Variants in PCDH11X observed in about 807,000 individuals in gnomAD.
The protein encoded by PCDH11X is protocadherin 11 X-linked.
PCDH11X carries 18 observed loss-of-function variants against 53.3 expected under a neutral mutation model. The observed-to-expected ratio is 0.34, with a 90% CI of 0.23 to 0.50. The LOEUF (loss-of-function observed/expected upper bound fraction) is 0.50, where lower values mean the gene tolerates loss of function less well. Among genes scored for constraint, PCDH11X ranks in the 20% least tolerant of loss-of-function variants. PCDH11X has a pLI of 0.98. For synonymous variants in PCDH11X, 279 were observed against 393.3 expected, an observed-to-expected ratio of 0.71 and a Z score of 3.44; for missense variants, 570 against 1,032.4, an observed-to-expected ratio of 0.55 and a Z score of 6.14.
chrX:91,867,743 C>T (rs141668320), intron 5 of PCDH11X, among the ~76,000 whole-genome samples: 1,232 of 111,093 alleles, frequency 0.011, 17 homozygotes, highest in African/African-American at 0.038. Context: ...TCACTTATCC[C>T]GGATACATAT....
chrX:92,155,994 A>G (rs747973282), intron 6 of PCDH11X, among the ~76,000 whole-genome samples: 72 of 109,810 alleles, frequency 6.6e-4, no homozygotes, highest in African/African-American at 2.2e-3. Flanking sequence ...TCAAGTCTCA[A>G]CAAAGCAGCC....
intron 6 of PCDH11X, among the ~76,000 whole-genome samples, chrX:92,052,778 C>A (rs752804085): frequency 1.0e-5 from 1 of 99,185 alleles, no homozygotes; most frequent in South Asian, 5.1e-4. Context: ...AATTTTTATT[C>A]TCTGAAAATA....
chrX:92,222,884 G>A (rs773427693), intron 7 of PCDH11X, among the ~76,000 whole-genome samples: 92 of 112,042 alleles, frequency 8.2e-4, no homozygotes, highest in South Asian at 6.3e-3. Context: ...AAGTTTTTCC[G>A]TCACCCGTTG....
chrX:92,600,250 A>C lies in PCDH11X; in HGVS notation c.3368-18014A>C, dbSNP rs182722691. ...GAAGCCAAATATTAATCACCAAAAC[A>C]GTAGGAAAAATTTCTCCAGGACATG... On this transcript the variant is annotated intron_variant, in intron 10 of 10. Transcript: ENST00000682573. 2.3e-3 allele frequency among the ~76,000 whole-genome samples: 251 copies of C among 109,460 alleles called. 1 individual carries two copies. Among genetic ancestry groups the C allele is most frequent in the Non-Finnish European group, 4.1e-3 (216 of 52,773 alleles).
At chrX:92,326,474 A>G (rs1474655706) in intron 8 of PCDH11X, among the ~76,000 whole-genome samples, 1 of 101,751 alleles carries the variant, frequency 9.8e-6, no homozygotes, top group Admixed American at 1.1e-4. Context: ...GATTCTATCT[A>G]CCTTTTGATG....
intron 6 of PCDH11X, among the ~76,000 whole-genome samples, chrX:92,104,458 G>T (rs1362259133): frequency 9.0e-6 from 1 of 110,964 alleles, no homozygotes; most frequent in African/African-American, 3.3e-5. Context: ...TGGACGTCAG[G>T]CACCTCAGAC....
At chrX:91,875,493 G>C (rs1191040574) in intron 5 of PCDH11X, among the ~76,000 whole-genome samples, 1 of 106,700 alleles carries the variant, frequency 9.4e-6, no homozygotes, top group Non-Finnish European at 1.9e-5. Context: ...GGGTTTCCCC[G>C]TGTTAGCCAG....
At chrX:92,428,847 G>A (rs2072185111) in intron 9 of PCDH11X, among the ~76,000 whole-genome samples, 2 of 110,653 alleles carry the variant, frequency 1.8e-5, no homozygotes, top group Non-Finnish European at 3.8e-5. Flanking sequence ...ATATGGTAGG[G>A]TGAATACGGA....
intron 6 of PCDH11X, among the ~76,000 whole-genome samples, chrX:92,048,249 A>G (rs1360492848): frequency 2.5e-4 from 27 of 108,394 alleles, no homozygotes; most frequent in African/African-American, 8.4e-4. Context: ...GAAAAAAAAA[A>G]AAAAAACCGA....
chrX:92,341,193 G>A (rs189779359), intron 8 of PCDH11X, among the ~76,000 whole-genome samples: 31 of 111,768 alleles, frequency 2.8e-4, no homozygotes, highest in African/African-American at 1.0e-3. Flanking sequence ...GAACACGGCA[G>A]CCTGTACTTC....
intron 6 of PCDH11X, among the ~76,000 whole-genome samples, chrX:92,129,410 G>A (rs3117826): frequency 0.029 from 3,283 of 111,309 alleles, 159 homozygotes; most frequent in African/African-American, 0.1. Context: ...TGCCAAAAAA[G>A]AGTCTCTTCC....
chrX:92,601,741 C>A (rs2148808438), intron 10 of PCDH11X, among the ~76,000 whole-genome samples: 1 of 110,137 alleles, frequency 9.1e-6, no homozygotes, highest in South Asian at 3.9e-4. Flanking sequence ...ATAGTGAGAG[C>A]CTGTGGCATT....
intron 8 of PCDH11X, among the ~76,000 whole-genome samples, chrX:92,385,017 C>T (rs1321591830): frequency 9.8e-6 from 1 of 102,177 alleles, no homozygotes; most frequent in Non-Finnish European, 2.0e-5. Context: ...AGAAGCAAGA[C>T]GGAGTTGGCT....
At chrX:92,142,164 T>C (rs186344165) in intron 6 of PCDH11X, among the ~76,000 whole-genome samples, 55 of 104,174 alleles carry the variant, frequency 5.3e-4, no homozygotes, top group African/African-American at 2.0e-3. Flanking sequence ...TATTATTTTT[T>C]TTTTTTTTTG....
intron 10 of PCDH11X, among the ~76,000 whole-genome samples, chrX:92,516,201 GGT>G (rs1423747894): frequency 9.0e-6 from 1 of 110,566 alleles, no homozygotes; most frequent in African/African-American, 3.3e-5. Flanking sequence ...CAACTTGACT[GGT>G]GATCTTAGAC....
chrX:92,621,442 T>TTAGA lies in PCDH11X; in HGVS notation c.*2504_*2507dup, dbSNP rs1156295067. ...TCTAACTCTGATTTTATAATCAGAC[T>TTAGA]TAGATTGTGTTTAGAATATTAAATG... On this transcript the variant is annotated 3_prime_UTR_variant, in exon 11 of 11. Coordinates refer to ENST00000682573, the MANE Select transcript of PCDH11X (RefSeq NM_032968.5). 1 of 109,338 alleles carries TTAGA rather than the reference T, an allele frequency of 9.1e-6. No homozygotes were observed. Among genetic ancestry groups the TTAGA allele is most frequent in the African/African-American group, 3.3e-5 (1 of 29,871 alleles). 9.0% of individuals were successfully genotyped at this position (109,338 alleles called of 1,213,427 possible).
Position 92,439,740 on chromosome X carries a change from T to TCTC in PCDH11X, c.3344-28557_3344-28555dup, listed in dbSNP as rs780339551. On this transcript the variant is annotated intron_variant, in intron 9 of 10. Transcript: ENST00000682573. ...CTCCCCTCCTCCTCCATTCTTTTCC[T>TCTC]CTCCCTTCCTTCCTACTATCCCTTC... Among the ~76,000 whole-genome samples the TCTC allele has an allele frequency of 3.5e-4, 37 of 107,127 alleles. 1 individual carries two copies. Among genetic ancestry groups the TCTC allele is most frequent in the Admixed American group, 2.2e-3 (21 of 9,668 alleles). The allele number at this position is 107,127 out of a possible 115,157, so 93.0% of individuals were successfully genotyped here.
At chrX:92,593,801 G>A (rs1925284229) in intron 10 of PCDH11X, among the ~76,000 whole-genome samples, 1 of 107,923 alleles carries the variant, frequency 9.3e-6, no homozygotes. Context: ...TTTTCTTAGA[G>A]AATGGACCTG....
intron 10 of PCDH11X, among the ~76,000 whole-genome samples, chrX:92,616,610 A>T (rs1927993088): frequency 9.0e-6 from 1 of 111,701 alleles, no homozygotes; most frequent in African/African-American, 3.3e-5. Context: ...TGATAATATT[A>T]CATTGTAATG....
Sources: allele counts gnomAD v4.1 joint callset (sites outside exome capture counted in the v4.1 genomes callset), GRCh38; gene constraint gnomAD v4.1.1; transcripts MANE v1.5; gene names NCBI Gene and HGNC (gene_info 2026-07-23, HGNC 2026-07-21).